The following EFEMP1 variants were observed in gnomAD, a reference collection of about 807,000 sequenced individuals.
The protein encoded by EFEMP1 is EGF-like fibulin extracellular matrix protein 1.
In EFEMP1, 18 loss-of-function variants were observed where a neutral mutation model predicts 65.7. That is an observed-to-expected ratio of 0.27 (90% CI 0.19 to 0.41). The LOEUF (loss-of-function observed/expected upper bound fraction) is 0.41. Among genes scored for constraint, EFEMP1 ranks in the 10% least tolerant of loss-of-function variants. EFEMP1 has a pLI of 1.00. For synonymous variants in EFEMP1, 237 were observed against 219.7 expected, an observed-to-expected ratio of 1.08 and a Z score of -0.70; for missense variants, 469 against 624.8, an observed-to-expected ratio of 0.75 and a Z score of 2.66.
At chr2:55,899,711 C>T (rs1425993233) in intron 5 of EFEMP1, among the ~76,000 whole-genome samples, 1 of 152,160 alleles carries the variant, frequency 6.6e-6, no homozygotes, top group African/African-American at 2.4e-5. Flanking sequence ...GTTATGGTGA[C>T]CACCTGGCCA....
At position 55,883,514 on chromosome 2, in the gene EFEMP1, T is replaced by G. The variant is rs1669320694; in HGVS notation, c.518-1780A>C. 6.6e-6 allele frequency among the ~76,000 whole-genome samples: 1 copy of G among 152,188 alleles called. No homozygotes were observed. Among genetic ancestry groups the G allele is most frequent in the African/African-American group, 2.4e-5 (1 of 41,440 alleles). On this transcript the variant is annotated intron_variant, in intron 5 of 11. Coordinates refer to ENST00000355426, the MANE Select transcript of EFEMP1 (RefSeq NM_001039348.3). The surrounding 1 kb of genome is among the most constrained non-coding windows in gnomAD (Gnocchi z 4.5). ...CAAGAACATTTGCCAGCATTTGCAG[T>G]GATAACAGTCCTGAGAGATACGGCA...
At chr2:55,869,925 A>C (rs1668734058) in intron 11 of EFEMP1, among the ~76,000 whole-genome samples, 3 of 152,124 alleles carry the variant, frequency 2.0e-5, no homozygotes, top group Admixed American at 2.0e-4. Context: ...CTTTGGGGTC[A>C]GGGAGACCAG....
chr2:55,866,689 A>C lies in EFEMP1; in HGVS notation c.*384T>G, dbSNP rs1668589920. ...AAACTCATTCTTACCCTTGCATGCT[A>C]TTCAATGGTTATGATGGCTGCCTCC... is the stretch of plus-strand genomic sequence containing the variant. On this transcript the variant is annotated 3_prime_UTR_variant, in exon 12 of 12. Transcript: ENST00000355426. 1 of 187,528 alleles carries C rather than the reference A, an allele frequency of 5.3e-6. No homozygotes were observed. The highest frequency in any genetic ancestry group is 2.4e-5 in the African/African-American group (1 of 42,188). 11.6% of individuals were successfully genotyped at this position (187,528 alleles called of 1,614,324 possible).
intron 6 of EFEMP1, among the ~76,000 whole-genome samples, chr2:55,878,954 G>A (rs1440066718): frequency 6.6e-6 from 1 of 152,180 alleles, no homozygotes; most frequent in East Asian, 1.9e-4. Flanking sequence ...GAAATAAATA[G>A]TAAGAAGATA....
At chr2:55,901,075 G>T (rs1670013199) in intron 5 of EFEMP1, among the ~76,000 whole-genome samples, 1 of 152,306 alleles carries the variant, frequency 6.6e-6, no homozygotes, top group South Asian at 2.1e-4. Context: ...AAACATAAAG[G>T]TGATGATTCT....
At chr2:55,895,743 G>C (rs966005521) in intron 5 of EFEMP1, among the ~76,000 whole-genome samples, 3 of 151,496 alleles carry the variant, frequency 2.0e-5, no homozygotes, top group African/African-American at 4.8e-5. Flanking sequence ...GGGTTTCACT[G>C]TGTTAGCCAG....
At chr2:55,899,228 A>G (rs561519966) in intron 5 of EFEMP1, among the ~76,000 whole-genome samples, 4 of 152,218 alleles carry the variant, frequency 2.6e-5, no homozygotes, top group Non-Finnish European at 4.4e-5. Context: ...GAGGCTCTCA[A>G]CTAGGGTCTG....
chr2:55,883,999 T>C lies in EFEMP1; in HGVS notation c.518-2265A>G, dbSNP rs190270368. ...AAGCTGCAACAAGACTTGCCTCACCTAGGACTGACTGGTGATTACACATTT... is the reference window on the plus strand; with the variant it reads ...AAGCTGCAACAAGACTTGCCTCACCCAGGACTGACTGGTGATTACACATTT... On this transcript the variant is annotated intron_variant, in intron 5 of 11. Coordinates refer to ENST00000355426, the MANE Select transcript of EFEMP1 (RefSeq NM_001039348.3). This position sits in a 1 kb window ranked among gnomAD's most constrained non-coding sequence, Gnocchi z 4.5. 9.8e-5 allele frequency among the ~76,000 whole-genome samples: 15 copies of C among 152,312 alleles called. No homozygotes were observed. Among genetic ancestry groups the C allele is most frequent in the African/African-American group, 2.9e-4 (12 of 41,578 alleles).
rs555259161 is a variant in EFEMP1, at chr2:55,906,797, T to G, written c.517+10868A>C. On this transcript the variant is annotated intron_variant, in intron 5 of 11. Transcript: ENST00000355426. ...TTCAGTTCAGTCCCAGATAAGTCAT[T>G]TTTGAATCCACCTTAAACGATAGTT... 2.0e-5 allele frequency among the ~76,000 whole-genome samples: 3 copies of G among 152,320 alleles called. No individual in the cohort carries two copies. The South Asian group carries it at 6.2e-4, about 32-fold the overall frequency.
intron 5 of EFEMP1, among the ~76,000 whole-genome samples, chr2:55,893,481 C>G (rs890940203): frequency 6.6e-6 from 1 of 152,060 alleles, no homozygotes; most frequent in Admixed American, 6.6e-5. Flanking sequence ...CAGTTCAAAT[C>G]CAAGCAACAT....
In EFEMP1 at chr2:55,886,588, A is replaced by G. The variant is rs886746579; in HGVS notation, c.518-4854T>C. 6.6e-6 allele frequency among the ~76,000 whole-genome samples: 1 copy of G among 152,190 alleles called. No individual in the cohort carries two copies. Among genetic ancestry groups the G allele is most frequent in the African/African-American group, 2.4e-5 (1 of 41,462 alleles). On this transcript the variant is annotated intron_variant, in intron 5 of 11. Coordinates refer to ENST00000355426, the MANE Select transcript of EFEMP1 (RefSeq NM_001039348.3). This position sits in a 1 kb window ranked among gnomAD's most constrained non-coding sequence, Gnocchi z 4.0. Reference sequence around the variant, plus strand: ...AAAGGATTCATGTTTGTTAGAAGGAAGAGCTTCTTTACCATTGGCCTCCTT... The same window carrying G: ...AAAGGATTCATGTTTGTTAGAAGGAGGAGCTTCTTTACCATTGGCCTCCTT...
chr2:55,871,902 A>AACT lies in EFEMP1; in HGVS notation c.1001-780_1001-779insAGT, dbSNP rs1268278198. Reference sequence around the variant, plus strand: ...TAAGGAAGAGGCTGTCAGTGCAGGGAGACAACCCAGGAAAAGGCAATGCCA... The same window carrying AACT: ...TAAGGAAGAGGCTGTCAGTGCAGGGAACTGACAACCCAGGAAAAGGCAATGCCA... On this transcript the variant is annotated intron_variant, in intron 9 of 11. Coordinates refer to ENST00000355426, the MANE Select transcript of EFEMP1 (RefSeq NM_001039348.3). The surrounding 1 kb of genome is among the most constrained non-coding windows in gnomAD (Gnocchi z 4.2). Among the ~76,000 whole-genome samples the AACT allele has an allele frequency of 6.6e-6, 1 of 152,018 alleles. No homozygotes were observed. Among genetic ancestry groups the AACT allele is most frequent in the African/African-American group, 2.4e-5 (1 of 41,380 alleles).
chr2:55,919,568 A>T lies in EFEMP1; in HGVS notation c.82-1301T>A, dbSNP rs1387037255. ...ATTTGAGAAAGTCACTGTAAGGAAGAAGCCCAAGGAAGGATTGAGCAAAAG... is the reference window on the plus strand; with the variant it reads ...ATTTGAGAAAGTCACTGTAAGGAAGTAGCCCAAGGAAGGATTGAGCAAAAG... On this transcript the variant is annotated intron_variant, in intron 3 of 11. Coordinates refer to ENST00000355426, the MANE Select transcript of EFEMP1 (RefSeq NM_001039348.3). This position sits in a 1 kb window ranked among gnomAD's most constrained non-coding sequence, Gnocchi z 4.5. Among the ~76,000 whole-genome samples the T allele has an allele frequency of 6.6e-6, 1 of 152,248 alleles. No homozygotes were observed. Among genetic ancestry groups the T allele is most frequent in the Non-Finnish European group, 1.5e-5 (1 of 68,042 alleles).
intron 11 of EFEMP1, among the ~76,000 whole-genome samples, chr2:55,869,991 A>T (rs1668736861): frequency 6.6e-6 from 1 of 152,020 alleles, no homozygotes; most frequent in South Asian, 2.1e-4. Flanking sequence ...ATAGGAAGAG[A>T]GATAGGGATG....
rs559571685 is a variant in EFEMP1 at position 55,923,406 on chromosome 2, T to A, written c.-49+305A>T. On this transcript the variant is annotated intron_variant, in intron 1 of 11. Coordinates refer to ENST00000355426, the MANE Select transcript of EFEMP1 (RefSeq NM_001039348.3). This position sits in a 1 kb window ranked among gnomAD's most constrained non-coding sequence, Gnocchi z 5.3. The stretch of plus-strand genomic sequence containing the variant: ...AGCTCCTATGGAATCCAGGTGCGGC[T>A]TAAATCTCGCACACTGGTCCCCTAA... 8.0e-4 allele frequency among the ~76,000 whole-genome samples: 122 copies of A among 152,252 alleles called. No individual in the cohort carries two copies. The highest frequency in any genetic ancestry group is 7.9e-3 in the Admixed American group (121 of 15,294).
Position 55,881,397 on chromosome 2 carries a change from G to A in EFEMP1, c.640+215C>T, listed in dbSNP as rs55784488. Among the ~76,000 whole-genome samples, 856 of 152,144 alleles carry A rather than the reference G, an allele frequency of 5.6e-3. 5 individuals are homozygous for A. The highest frequency in any genetic ancestry group is 9.6e-3 in the Non-Finnish European group (654 of 68,004). The stretch of plus-strand genomic sequence containing the variant: ...TACCCCAAATTTCTGCTCTTGCTTC[G>A]TCTAACATTTAACCAACACTTTGTT... On this transcript the variant is annotated intron_variant, in intron 6 of 11. Coordinates refer to ENST00000355426, the MANE Select transcript of EFEMP1 (RefSeq NM_001039348.3).
intron 3 of EFEMP1, among the ~76,000 whole-genome samples, chr2:55,918,928 A>C (rs1215834465): frequency 6.6e-6 from 1 of 152,202 alleles, no homozygotes; most frequent in Non-Finnish European, 1.5e-5. Flanking sequence ...CAAGCAGCTC[A>C]AAGACCAGAA....
chr2:55,903,229 A>T (rs1047005539), intron 5 of EFEMP1, among the ~76,000 whole-genome samples: 3 of 152,248 alleles, frequency 2.0e-5, no homozygotes, highest in Admixed American at 6.5e-5. Flanking sequence ...TCTATTAATT[A>T]GTAAGAGAGG....
rs202135588 is a variant in EFEMP1 at position 55,870,643 on chromosome 2, CACAACAACA to C, written c.1320+68_1320+76del. 1.1e-4 allele frequency: 166 copies of C among 1,548,048 alleles called. No individual in the cohort carries two copies. Among genetic ancestry groups the C allele is most frequent in the African/African-American group, 2.5e-4 (18 of 72,918 alleles). On this transcript the variant is annotated intron_variant, in intron 11 of 11. Coordinates refer to ENST00000355426, the MANE Select transcript of EFEMP1 (RefSeq NM_001039348.3). This position sits in a 1 kb window ranked among gnomAD's most constrained non-coding sequence, Gnocchi z 5.8. Reference sequence around the variant, plus strand: ...GCTTTCCTTCCACATGTGGATACCACACAACAACAACAACAACAACAACAACAACAAACT... The same window carrying C: ...GCTTTCCTTCCACATGTGGATACCACACAACAACAACAACAACAACAAACT...
Sources: gnomAD v4.1 joint callset for allele counts (sites outside exome capture counted in the v4.1 genomes callset) on GRCh38, gnomAD v4.1.1 for gene constraint, Gnocchi (gnomAD v3.1) non-coding constraint, MANE v1.5 for transcripts, NCBI Gene and HGNC (gene_info 2026-07-23, HGNC 2026-07-21) for gene names.